LRRIQ3: variants seen among roughly 807,000 people sequenced by gnomAD.
The protein encoded by LRRIQ3 is leucine rich repeats and IQ motif containing 3, also known as leucine-rich repeat and IQ domain-containing protein 3.
LRRIQ3 carries 75 observed loss-of-function variants against 59.3 expected under a neutral mutation model. The observed-to-expected ratio is 1.26, with a 90% CI of 1.05 to 1.53. The LOEUF (loss-of-function observed/expected upper bound fraction) is 1.53, where lower values mean the gene tolerates loss of function less well. Among genes scored for constraint, LRRIQ3 ranks in the 40% most tolerant of loss-of-function variants. The pLI is 0.00. For synonymous variants in LRRIQ3, 250 were observed against 231.3 expected, an observed-to-expected ratio of 1.08 and a Z score of -0.73; for missense variants, 831 against 710.0, an observed-to-expected ratio of 1.17 and a Z score of -1.94.
chr1:74,115,145 G>A (rs1646761232), intron 4 of LRRIQ3, among the ~76,000 whole-genome samples: 1 of 151,942 alleles, frequency 6.6e-6, no homozygotes, highest in Non-Finnish European at 1.5e-5. Flanking sequence ...TATCTCAGAA[G>A]AAGTATTTAT....
At chr1:74,116,191 G>C (rs776994426) in intron 4 of LRRIQ3, among the ~76,000 whole-genome samples, 1 of 151,962 alleles carries the variant, frequency 6.6e-6, no homozygotes, top group Non-Finnish European at 1.5e-5. Flanking sequence ...TTGGTGTAGA[G>C]AGAATACCAA....
rs1388028778 is a variant in LRRIQ3, at chr1:74,183,677, T to C, written c.8A>G (p.His3Arg). Reference protein sequence around the residue: MFHGTVTEELTSH... With the variant: MFRGTVTEELTSH... ...GGTTAGCTCTTCTGTGACTGTTCCA[T>C]GAAACATCTAGGAAAGATAAGAAAG... The change falls in exon 2 of 8, where the codon CAT becomes CGT. Residue 3 changes from histidine to arginine, a missense_variant. By Grantham distance (29) the His-to-Arg change is conservative (BLOSUM62 0). Transcript: ENST00000354431. 95 of 1,551,596 alleles carry C rather than the reference T, an allele frequency of 6.1e-5. No homozygotes were observed. In the East Asian group the frequency reaches 2.2e-3, roughly 36 times the overall value.
chr1:74,077,018 A>T (rs1646217353), intron 5 of LRRIQ3, among the ~76,000 whole-genome samples: 1 of 152,072 alleles, frequency 6.6e-6, no homozygotes, highest in Admixed American at 6.6e-5. Context: ...ACCAAAACAT[A>T]TTGTCAAAAT....
At chr1:74,081,667 A>T (rs891469590) in intron 5 of LRRIQ3, among the ~76,000 whole-genome samples, 1 of 151,554 alleles carries the variant, frequency 6.6e-6, no homozygotes, top group African/African-American at 2.4e-5. Flanking sequence ...TCTCTCCAAA[A>T]ATGTATTTGA....
chr1:74,197,946 C>T (rs757393061), intron 1 of LRRIQ3, 50 bp downstream of exon 1: 2 of 382,982 alleles, frequency 5.2e-6, no homozygotes. Context: ...TTCGCCTTAT[C>T]CTTAGCGGGT....
At chr1:74,168,468 T>A (rs923380374) in intron 3 of LRRIQ3, among the ~76,000 whole-genome samples, 10 of 152,088 alleles carry the variant, frequency 6.6e-5, no homozygotes, top group Admixed American at 5.9e-4. Flanking sequence ...AATTTGCCTA[T>A]AACATTCTAT....
chr1:74,182,128 T>C (rs537031191), intron 3 of LRRIQ3: 1 of 152,006 alleles, frequency 6.6e-6, no homozygotes, highest in Non-Finnish European at 1.5e-5. Context: ...TAGATAATGA[T>C]GGTTTTATCT....
chr1:74,156,607 T>C (rs1385180059), intron 3 of LRRIQ3, among the ~76,000 whole-genome samples: 1 of 152,140 alleles, frequency 6.6e-6, no homozygotes, highest in African/African-American at 2.4e-5. Context: ...CACAAACAGG[T>C]GTCCAATGAA....
In LRRIQ3 at chr1:74,041,854, G is replaced by A. The variant is rs1256161951; in HGVS notation, c.1077C>T (p.Tyr359=). ...CATTATTCTTCAATGAACCTGAAGT[G>A]TATATGGGTAGTTTGAAAACTGATA... ...FRISVFKLPI[Y]TSGSLKNNAV... The change falls in exon 7 of 8, where the codon TAC becomes TAT. Residue 359 remains tyrosine (Y), a synonymous_variant. Coordinates refer to ENST00000354431, the MANE Select transcript of LRRIQ3 (RefSeq NM_001105659.2). The A allele has an allele frequency of 1.9e-6, 3 of 1,611,868 alleles. No individual in the cohort carries two copies. Among genetic ancestry groups the A allele is most frequent in the East Asian group, 2.2e-5 (1 of 44,810 alleles).
At chr1:74,080,246 A>G (rs1432387069) in intron 5 of LRRIQ3, among the ~76,000 whole-genome samples, 1 of 151,720 alleles carries the variant, frequency 6.6e-6, no homozygotes, top group African/African-American at 2.4e-5. Context: ...ATAATCTATA[A>G]TAGGTATAGA....
rs1653522790 is a variant in LRRIQ3, at chr1:74,026,581, T to C, written c.*232A>G. 1 of 368,050 alleles carries C rather than the reference T, an allele frequency of 2.7e-6. No homozygotes were observed. The highest frequency in any genetic ancestry group is 2.1e-5 in the African/African-American group (1 of 46,898). 22.8% of individuals were successfully genotyped at this position (368,050 alleles called of 1,614,324 possible). A position where few individuals can be genotyped will look rare whatever the true frequency, so the allele number is the denominator to read the frequency against. On this transcript the variant is annotated 3_prime_UTR_variant, in exon 8 of 8. Transcript: ENST00000354431. ...GCAATACATTAAATCAGTTTAATTG[T>C]TCCTTAGGCATCTGATCTAAGAAAT...
chr1:74,074,069 T>G (rs1646168585), intron 6 of LRRIQ3, among the ~76,000 whole-genome samples: 1 of 152,138 alleles, frequency 6.6e-6, no homozygotes, highest in Non-Finnish European at 1.5e-5. Context: ...ATTCTGATAC[T>G]TGACAGATTT....
intron 5 of LRRIQ3, among the ~76,000 whole-genome samples, chr1:74,093,117 A>C (rs763677083): frequency 6.6e-6 from 1 of 151,294 alleles, no homozygotes; most frequent in Non-Finnish European, 1.5e-5. Context: ...TTTGAATGAA[A>C]TGTATTACCA....
At chr1:74,180,188 A>G (rs1196513249) in intron 3 of LRRIQ3, 1 of 151,728 alleles carries the variant, frequency 6.6e-6, no homozygotes, top group Non-Finnish European at 1.5e-5. Flanking sequence ...AATTCTTCCA[A>G]TATGTTTTTT....
At chr1:74,102,049 AAAGTAT>A (rs1379019837) in intron 5 of LRRIQ3, among the ~76,000 whole-genome samples, 1 of 150,732 alleles carries the variant, frequency 6.6e-6, no homozygotes, top group Non-Finnish European at 1.5e-5. Context: ...CCTAGAACTT[AAAGTAT>A]AATTAAAAAA....
intron 7 of LRRIQ3, among the ~76,000 whole-genome samples, chr1:74,031,684 C>G (rs1291824810): frequency 6.6e-6 from 1 of 151,864 alleles, no homozygotes; most frequent in African/African-American, 2.4e-5. Context: ...CTGGGTGCAG[C>G]ACACCAACAT....
chr1:74,136,065 A>G (rs1647118237), intron 4 of LRRIQ3, among the ~76,000 whole-genome samples: 1 of 151,980 alleles, frequency 6.6e-6, no homozygotes, highest in Non-Finnish European at 1.5e-5. Context: ...TAATGACCTT[A>G]CAGAAATTAA....
At chr1:74,111,947 A>G (rs188970066) in intron 4 of LRRIQ3, among the ~76,000 whole-genome samples, 1 of 152,202 alleles carries the variant, frequency 6.6e-6, no homozygotes, top group East Asian at 1.9e-4. Flanking sequence ...AGAATAGTTG[A>G]GAGGTCTGGG....
intron 4 of LRRIQ3, among the ~76,000 whole-genome samples, chr1:74,138,831 T>A (rs1049404496): frequency 6.6e-6 from 1 of 151,774 alleles, no homozygotes; most frequent in Admixed American, 6.6e-5. Context: ...GTGATATATC[T>A]GTTCCTCTCC....
Sources: allele counts gnomAD v4.1 joint callset (sites outside exome capture counted in the v4.1 genomes callset), GRCh38; gene constraint gnomAD v4.1.1; transcripts MANE v1.5; gene names NCBI Gene and HGNC (gene_info 2026-07-23, HGNC 2026-07-21).